DAB1: variants seen among roughly 807,000 people sequenced by gnomAD.
DAB1 encodes DAB adaptor protein 1, also known as disabled homolog 1.
A neutral mutation model predicts 64.6 loss-of-function variants in DAB1; 15 were observed. The ratio of observed to expected loss-of-function variants is 0.23; its 90% CI spans 0.16 to 0.36. DAB1 has a LOEUF of 0.36. DAB1 is among the 10% of genes least tolerant of loss of function. DAB1 has a pLI of 1.00. For synonymous variants in DAB1, 235 were observed against 251.9 expected (o/e 0.93, Z 0.64); for missense variants, 596 against 706.7 (o/e 0.84, Z 1.78).
intron 5 of DAB1, among the ~76,000 whole-genome samples, chr1:57,995,893 T>C (rs1326390397): frequency 2.0e-5 from 3 of 152,114 alleles, no homozygotes; most frequent in Non-Finnish European, 4.4e-5. Context: ...ATCTAAATTC[T>C]ACTAAATTTA....
At chr1:57,374,989 C>T (rs1010899120) in intron 1 of DAB1, among the ~76,000 whole-genome samples, 1 of 151,934 alleles carries the variant, frequency 6.6e-6, no homozygotes, top group Non-Finnish European at 1.5e-5. Context: ...TCCCAGGATA[C>T]AGGCTTCTGC....
chr1:57,379,139 G>A (rs898649088), intron 1 of DAB1, among the ~76,000 whole-genome samples: 5 of 151,934 alleles, frequency 3.3e-5, no homozygotes, highest in Non-Finnish European at 7.4e-5. Flanking sequence ...AAAGAAGCGG[G>A]TAGTAAGGAG....
In DAB1 at chr1:57,537,992, A is replaced by C. The variant is rs529633632; in HGVS notation, n.625+111600T>G. On this transcript the variant is annotated intron_variant and non_coding_transcript_variant, in intron 7 of 20. Transcript: ENST00000485760. ...ACAACCAGCTCTCATTGGAACTAAG[A>C]GTGAGAACTCACTCACCTTAAGGGA... Among the ~76,000 whole-genome samples the C allele has an allele frequency of 2.0e-5, 3 of 152,180 alleles. No individual in the cohort carries two copies. In the South Asian group the frequency reaches 6.2e-4, roughly 32 times the overall value.
At chr1:57,963,325 T>C (rs1645571824) in intron 5 of DAB1, among the ~76,000 whole-genome samples, 1 of 152,174 alleles carries the variant, frequency 6.6e-6, no homozygotes, top group South Asian at 2.1e-4. Context: ...CCTGGTCACA[T>C]ATGAAGAGTT....
chr1:58,320,701 A>G (rs1486196520), intron 4 of DAB1, among the ~76,000 whole-genome samples: 1 of 152,232 alleles, frequency 6.6e-6, no homozygotes, highest in Non-Finnish European at 1.5e-5. Context: ...CATGTTGAAC[A>G]TAAGTATACC....
intron 7 of DAB1, among the ~76,000 whole-genome samples, chr1:57,621,313 C>G (rs1050702346): frequency 6.6e-6 from 1 of 150,408 alleles, no homozygotes; most frequent in Non-Finnish European, 1.5e-5. Context: ...GGAGAGTTGG[C>G]CTGAAAATGA....
intron 2 of DAB1, among the ~76,000 whole-genome samples, chr1:57,176,462 C>T (rs979470316): frequency 3.9e-5 from 6 of 152,194 alleles, no homozygotes; most frequent in Non-Finnish European, 8.8e-5. Context: ...CCCCACAATT[C>T]AATCACCTCC....
intron 7 of DAB1, among the ~76,000 whole-genome samples, chr1:57,534,510 G>A (rs1383097141): frequency 6.6e-6 from 1 of 152,188 alleles, no homozygotes; most frequent in African/African-American, 2.4e-5. Flanking sequence ...TTAGGCCCTG[G>A]AGGGAGCCCT....
At chr1:57,260,296 C>T (rs529186235) in intron 2 of DAB1, among the ~76,000 whole-genome samples, 2 of 152,278 alleles carry the variant, frequency 1.3e-5, no homozygotes, top group Admixed American at 1.3e-4. Flanking sequence ...GTGGGTAAAG[C>T]CCTCATTCAC....
At chr1:57,806,042 T>C (rs1557491107) in intron 6 of DAB1, among the ~76,000 whole-genome samples, 1 of 152,226 alleles carries the variant, frequency 6.6e-6, no homozygotes, top group East Asian at 1.9e-4. Flanking sequence ...TGTGCCTCAA[T>C]ACTCCAACGG....
At position 58,312,069 on chromosome 1, in the gene DAB1, C is replaced by T. The variant is rs558969641; in HGVS notation, n.309+31283G>A. On this transcript the variant is annotated intron_variant and non_coding_transcript_variant, in intron 4 of 20. Coordinates refer to the DAB1 transcript ENST00000485760. ...AGATAAAGGAAGCAAGAAAAAGCTG[C>T]CATCAGACACAAAGTTCCCTGTTGT... 4.1e-4 allele frequency among the ~76,000 whole-genome samples: 62 copies of T among 152,258 alleles called. 1 individual carries two copies. The South Asian group carries it at 0.013, about 31-fold the overall frequency.
chr1:58,468,365 T>A (rs1014513336), intron 3 of DAB1: 1 of 152,274 alleles, frequency 6.6e-6, no homozygotes, highest in Non-Finnish European at 1.5e-5. Flanking sequence ...CTCAACATTA[T>A]CTTTTTGAGA....
At chr1:57,309,780 G>A (rs1674514719) in intron 1 of DAB1, among the ~76,000 whole-genome samples, 1 of 152,228 alleles carries the variant, frequency 6.6e-6, no homozygotes, top group South Asian at 2.1e-4. Flanking sequence ...CAAAGCTCCA[G>A]AACAGACAGC....
chr1:58,259,987 A>G (rs1053427236), intron 4 of DAB1, among the ~76,000 whole-genome samples: 1 of 152,192 alleles, frequency 6.6e-6, no homozygotes, highest in African/African-American at 2.4e-5. Flanking sequence ...TACTAAACCT[A>G]TTTATGGCTG....
intron 5 of DAB1, among the ~76,000 whole-genome samples, chr1:58,093,697 G>GAAAA (rs746501755): frequency 7.7e-6 from 1 of 129,660 alleles, no homozygotes; most frequent in Non-Finnish European, 1.7e-5. Flanking sequence ...GTTCAAAAGG[G>GAAAA]AAAAAAAAAA....
At chr1:57,448,165 T>C (rs1686219611) in intron 7 of DAB1, among the ~76,000 whole-genome samples, 1 of 152,212 alleles carries the variant, frequency 6.6e-6, no homozygotes, top group Non-Finnish European at 1.5e-5. Flanking sequence ...TTAGGAATCT[T>C]GACAAATCCT....
intron 1 of DAB1, among the ~76,000 whole-genome samples, chr1:57,295,539 C>T (rs1374307560): frequency 2.0e-5 from 3 of 152,090 alleles, no homozygotes; most frequent in African/African-American, 7.2e-5. Flanking sequence ...GCCTCAGTTT[C>T]CTCATCAGTA....
intron 1 of DAB1, among the ~76,000 whole-genome samples, chr1:57,321,890 G>T (rs866569049): frequency 9.5e-5 from 13 of 136,812 alleles, no homozygotes; most frequent in Non-Finnish European, 2.2e-4. Flanking sequence ...CAATACCTAC[G>T]ACAGATGGCT....
intron 7 of DAB1, among the ~76,000 whole-genome samples, chr1:57,511,226 G>C (rs1644401674): frequency 6.6e-6 from 1 of 152,082 alleles, no homozygotes; most frequent in Non-Finnish European, 1.5e-5. Flanking sequence ...AACCTATCCT[G>C]TTGCTTCCCA....
Sources: allele counts gnomAD v4.1 joint callset (sites outside exome capture counted in the v4.1 genomes callset), GRCh38; gene constraint gnomAD v4.1.1; transcripts MANE v1.5; gene names NCBI Gene and HGNC (gene_info 2026-07-23, HGNC 2026-07-21).